The following CUX2 variants were observed in gnomAD, a reference collection of about 807,000 sequenced individuals.
CUX2 encodes homeobox protein cut-like 2.
A neutral mutation model predicts 144.8 loss-of-function variants in CUX2; 40 were observed. The observed-to-expected ratio is 0.28, with a 90% CI of 0.21 to 0.36. CUX2 has a LOEUF of 0.36. Ranked by LOEUF, CUX2 falls within the 10% of genes least tolerant of loss-of-function variation. The probability of loss-of-function intolerance (pLI) is 1.00; values close to 1 mark genes in which losing one functional copy is unlikely to be tolerated. For missense variants in CUX2, 1,615 were observed against 1,994.0 expected (o/e 0.81, Z 3.62); for synonymous variants, 827 against 875.6 (o/e 0.94, Z 0.98).
chr12:111,142,909 G>T (rs1197008765), intron 1 of CUX2, among the ~76,000 whole-genome samples: 1 of 152,130 alleles, frequency 6.6e-6, no homozygotes, highest in Non-Finnish European at 1.5e-5. Context: ...CAGAGGGCTG[G>T]CATTGCCCAA....
Position 111,322,565 on chromosome 12 carries a change from C to G in CUX2, c.2911C>G (p.Pro971Ala). The G allele has an allele frequency of 6.2e-7, 1 of 1,609,142 alleles. No individual in the cohort carries two copies. Among genetic ancestry groups the G allele is most frequent in the South Asian group, 1.1e-5 (1 of 90,558 alleles). The change falls in exon 18 of 22, where the codon CCT (proline) becomes GCT (alanine). Residue 971 changes from proline to alanine, a missense_variant. By Grantham distance (27) the Pro-to-Ala change is conservative. Around this residue, in one of 12 missense-constraint regions of CUX2, gnomAD observed 128 missense variants for 124.4 expected, o/e 1.03. Transcript: ENST00000261726. This position sits in a 1 kb window ranked among gnomAD's most constrained non-coding sequence, Gnocchi z 4.2. ...GCTCGGCCAGGCAGTGGGCCAGCAG[C>G]CTGGTGCCTCCCAGGGTGAGTGCGG... ...DQLGQAVGQQ[P>A]GASQASPTEP...
intron 1 of CUX2, among the ~76,000 whole-genome samples, chr12:111,111,285 G>C (rs1873935533): frequency 6.6e-6 from 1 of 151,936 alleles, no homozygotes; most frequent in Non-Finnish European, 1.5e-5. Context: ...CTGGGTGACA[G>C]AATGAGACTC....
chr12:111,344,721 C>G (rs1201966469), intron 21 of CUX2, among the ~76,000 whole-genome samples: 4 of 151,948 alleles, frequency 2.6e-5, no homozygotes, highest in African/African-American at 9.7e-5. Flanking sequence ...CCTCCAGGCC[C>G]AGGATCCTGG....
In CUX2 at chr12:111,349,898, A is replaced by G. The variant is rs537986021; in HGVS notation, c.*1573A>G. The stretch of plus-strand genomic sequence containing the variant: ...TGGCCGATGGAGGTTTCAAAGATGT[A>G]GCTAGCATTTTGAAACCATATGGGC... On this transcript the variant is annotated 3_prime_UTR_variant, in exon 22 of 22. Coordinates refer to ENST00000261726, the MANE Select transcript of CUX2 (RefSeq NM_015267.4). 2 of 152,350 alleles carry G rather than the reference A, an allele frequency of 1.3e-5. No individual in the cohort carries two copies. The highest frequency in any genetic ancestry group is 1.3e-4 in the Admixed American group (2 of 15,286). The allele number at this position is 152,350 out of a possible 1,614,324, so 9.4% of individuals were successfully genotyped here.
chr12:111,127,816 G>A (rs1276243656), intron 1 of CUX2, among the ~76,000 whole-genome samples: 1 of 152,196 alleles, frequency 6.6e-6, no homozygotes, highest in Non-Finnish European at 1.5e-5. Flanking sequence ...GGCGAAGGGG[G>A]AGCAAATGCA....
At chr12:111,204,462 G>A (rs1417859815) in intron 1 of CUX2, among the ~76,000 whole-genome samples, 4 of 152,238 alleles carry the variant, frequency 2.6e-5, no homozygotes, top group African/African-American at 9.6e-5. Context: ...TGGACAGACA[G>A]ATGGACCAGG....
chr12:111,304,849 G>A lies in CUX2; in HGVS notation c.858+535G>A, dbSNP rs1282792074. On this transcript the variant is annotated intron_variant, in intron 10 of 21. Coordinates refer to ENST00000261726, the MANE Select transcript of CUX2 (RefSeq NM_015267.4). The surrounding 1 kb of genome is among the most constrained non-coding windows in gnomAD (Gnocchi z 4.7). ...TGGGTACTTTTAGGAGTGTGAGCCA[G>A]CCAACATATCAACAGGCAGTCATCA... Among the ~76,000 whole-genome samples the A allele has an allele frequency of 6.6e-6, 1 of 152,146 alleles. No homozygotes were observed. The highest frequency in any genetic ancestry group is 2.4e-5 in the African/African-American group (1 of 41,438).
chr12:111,310,096 C>T lies in CUX2; in HGVS notation c.1314C>T (p.Ser438=). ...AGGATTCACTGGGCACGGAGCAGTC[C>T]TACCCCTCCCCTCAGCAGCTCCCAC... The part of the protein sequence containing the change: ...SIKDSLGTEQ[S]YPSPQQLPPP... Residue 438 remains serine (S), a synonymous_variant, in exon 15 of 22, where the codon TCC becomes TCT. Transcript: ENST00000261726. The surrounding 1 kb of genome is among the most constrained non-coding windows in gnomAD (Gnocchi z 7.9). 7 of 1,448,862 alleles carry T rather than the reference C, an allele frequency of 4.8e-6. No homozygotes were observed. Among genetic ancestry groups the T allele is most frequent in the Non-Finnish European group, 6.4e-6 (7 of 1,100,456 alleles). 89.8% of individuals were successfully genotyped at this position (1,448,862 alleles called of 1,614,324 possible).
At chr12:111,165,294 G>A (rs1878066584) in intron 1 of CUX2, among the ~76,000 whole-genome samples, 1 of 152,164 alleles carries the variant, frequency 6.6e-6, no homozygotes. Context: ...AAGTAGGAAG[G>A]TCATGGAGGG....
chr12:111,348,854 A>C lies in CUX2; in HGVS notation c.*529A>C, dbSNP rs1388859728. On this transcript the variant is annotated 3_prime_UTR_variant, in exon 22 of 22. Coordinates refer to ENST00000261726, the MANE Select transcript of CUX2 (RefSeq NM_015267.4). ...AACACTATAAGACTGACCAAAATTTAGATAACCTTTGAACCACGATTTTTT... is the reference window on the plus strand; with the variant it reads ...AACACTATAAGACTGACCAAAATTTCGATAACCTTTGAACCACGATTTTTT... 2 of 153,086 alleles carry C rather than the reference A, an allele frequency of 1.3e-5. No individual in the cohort carries two copies. The highest frequency in any genetic ancestry group is 2.9e-5 in the Non-Finnish European group (2 of 68,414). The allele number at this position is 153,086 out of a possible 1,614,324, so 9.5% of individuals were successfully genotyped here.
chr12:111,175,194 C>A (rs1323071948), intron 1 of CUX2, among the ~76,000 whole-genome samples: 1 of 152,176 alleles, frequency 6.6e-6, no homozygotes, highest in African/African-American at 2.4e-5. Context: ...TCTGGGACTC[C>A]TTGAAGGCTA....
Position 111,186,782 on chromosome 12 carries a change from GT to G in CUX2, c.64-27404del, listed in dbSNP as rs201495071. ...ATTAAAATCGATATGATGTGTGTAT[GT>G]TTTTTTTTTTTTTGAGACAGAATTT... On this transcript the variant is annotated intron_variant, in intron 1 of 21. Transcript: ENST00000261726. The surrounding 1 kb of genome is among the most constrained non-coding windows in gnomAD (Gnocchi z 4.4). Among the ~76,000 whole-genome samples, 3,411 of 146,000 alleles carry G rather than the reference GT, an allele frequency of 0.023. 65 individuals are homozygous for G. The highest frequency in any genetic ancestry group is 0.056 in the African/African-American group (2,237 of 40,054).
intron 3 of CUX2, among the ~76,000 whole-genome samples, chr12:111,244,534 A>G (rs953801758): frequency 1.9e-4 from 29 of 151,976 alleles, no homozygotes; most frequent in African/African-American, 6.3e-4. Flanking sequence ...GCTGATCACG[A>G]CCCCGTGGTG....
At chr12:111,273,452 G>T (rs1432069322) in intron 4 of CUX2, among the ~76,000 whole-genome samples, 3 of 152,092 alleles carry the variant, frequency 2.0e-5, no homozygotes, top group Admixed American at 2.0e-4. Flanking sequence ...CCCCGACCCA[G>T]CTCCTACCCA....
At chr12:111,240,211 T>C (rs1882955867) in intron 3 of CUX2, among the ~76,000 whole-genome samples, 1 of 152,240 alleles carries the variant, frequency 6.6e-6, no homozygotes, top group South Asian at 2.1e-4. Flanking sequence ...CACAGTGCTG[T>C]CCTGTGGCTC....
chr12:111,215,673 A>G (rs968375784), intron 2 of CUX2, among the ~76,000 whole-genome samples: 1 of 152,024 alleles, frequency 6.6e-6, no homozygotes, highest in Admixed American at 6.6e-5. Context: ...TGGTCTGGAA[A>G]CTCCCCAGAA....
At chr12:111,071,809 TA>T (rs1871263075) in intron 1 of CUX2, among the ~76,000 whole-genome samples, 1 of 152,248 alleles carries the variant, frequency 6.6e-6, no homozygotes, top group African/African-American at 2.4e-5. Flanking sequence ...TATTGATTTT[TA>T]TTTTTTATTT....
At chr12:111,344,169 A>C (rs1052329118) in intron 21 of CUX2, among the ~76,000 whole-genome samples, 19 of 152,166 alleles carry the variant, frequency 1.2e-4, no homozygotes, top group Admixed American at 8.5e-4. Context: ...TCCCTGGGGG[A>C]TATGGGGACA....
chr12:111,205,212 C>T (rs1479124314), intron 1 of CUX2, among the ~76,000 whole-genome samples: 1 of 152,102 alleles, frequency 6.6e-6, no homozygotes, highest in East Asian at 1.9e-4. Context: ...CATCCCCCAG[C>T]CCCCTCCCAG....
Sources: allele counts gnomAD v4.1 joint callset (sites outside exome capture counted in the v4.1 genomes callset), GRCh38; gene constraint gnomAD v4.1.1; regional missense constraint gnomAD v4.1.1; non-coding constraint Gnocchi (gnomAD v3.1); transcripts MANE v1.5; gene names NCBI Gene and HGNC (gene_info 2026-07-23, HGNC 2026-07-21).